Variants in RAB38 observed in about 807,000 individuals in gnomAD.
RAB38 encodes the protein ras-related protein Rab-38.
RAB38 carries 15 observed loss-of-function variants against 18.4 expected under a neutral mutation model. The ratio of observed to expected loss-of-function variants is 0.82; its 90% CI spans 0.55 to 1.26. The LOEUF (loss-of-function observed/expected upper bound fraction) is 1.26, where lower values mean the gene tolerates loss of function less well. RAB38 is among the 50% of genes most tolerant of loss of function. The pLI, the probability that RAB38 is intolerant of heterozygous loss-of-function variation, is 0.00. For missense variants in RAB38, 294 were observed against 267.4 expected, an observed-to-expected ratio of 1.10 and a Z score of -0.69; for synonymous variants, 101 against 104.4, an observed-to-expected ratio of 0.97 and a Z score of 0.20.
the RAB38 span, among the ~76,000 whole-genome samples, chr11:87,873,922 G>GTGTATATATATATATATA: frequency 1.8e-4 from 19 of 103,098 alleles, no homozygotes; most frequent in South Asian, 6.7e-4. Flanking sequence ...GTGTGTGTGT[G>GTGTATATATATATATATA]TATATATATA....
the RAB38 span, among the ~76,000 whole-genome samples, chr11:87,882,510 G>T: frequency 1.3e-5 from 2 of 151,862 alleles, no homozygotes; most frequent in African/African-American, 4.8e-5. Flanking sequence ...AGTAGGTAAT[G>T]TAATATTCAA....
At chr11:88,174,143 C>T in intron 1 of RAB38, 1 of 942,312 alleles carries the variant, frequency 1.1e-6, no homozygotes, top group Non-Finnish European at 1.3e-6. Flanking sequence ...GACCCTTGCC[C>T]AACTCCTTTC....
At chr11:88,048,521 C>T in the RAB38 span, among the ~76,000 whole-genome samples, 2 of 152,138 alleles carry the variant, frequency 1.3e-5, no homozygotes, top group Non-Finnish European at 2.9e-5. Context: ...ACTTTTACCT[C>T]TTTCCCTTCT....
the RAB38 span, among the ~76,000 whole-genome samples, chr11:87,947,145 T>A: frequency 6.6e-6 from 1 of 152,210 alleles, no homozygotes; most frequent in Non-Finnish European, 1.5e-5. Flanking sequence ...TGACCAGTGA[T>A]GATGAGTATT....
the RAB38 span, among the ~76,000 whole-genome samples, chr11:88,038,420 C>T: frequency 1.3e-5 from 2 of 152,264 alleles, no homozygotes; most frequent in South Asian, 2.1e-4. Flanking sequence ...ATAATGTTTG[C>T]TTATCATCAT....
chr11:88,029,570 G>A, the RAB38 span, among the ~76,000 whole-genome samples: 2 of 152,058 alleles, frequency 1.3e-5, no homozygotes, highest in South Asian at 2.1e-4. Context: ...AAAAGGCAGG[G>A]TTTGCAGTCC....
chr11:87,931,192 A>T, the RAB38 span, among the ~76,000 whole-genome samples: 1 of 152,136 alleles, frequency 6.6e-6, no homozygotes, highest in African/African-American at 2.4e-5. Context: ...CTTCCTACCC[A>T]TGAGCATGGA....
At chr11:88,077,033 A>AAAAGAAAAGAAAAGAAAAGC in the RAB38 span, among the ~76,000 whole-genome samples, 3 of 109,394 alleles carry the variant, frequency 2.7e-5, no homozygotes, top group Non-Finnish European at 5.4e-5. Flanking sequence ...GAAAAGAAAG[A>AAAAGAAAAGAAAAGAAAAGC]AAGCAAGCAA....
the RAB38 span, among the ~76,000 whole-genome samples, chr11:87,897,114 A>G: frequency 1.3e-5 from 2 of 151,596 alleles, no homozygotes; most frequent in African/African-American, 4.8e-5. Context: ...TGAATAGAAT[A>G]AGAACATGTA....
At chr11:87,836,389 AT>A in the RAB38 span, among the ~76,000 whole-genome samples, 29 of 151,412 alleles carry the variant, frequency 1.9e-4, no homozygotes, top group African/African-American at 5.6e-4. Context: ...AAACCTGAGT[AT>A]TTTTTTTTAA....
chr11:88,059,182 C>T, the RAB38 span, among the ~76,000 whole-genome samples: 4 of 151,940 alleles, frequency 2.6e-5, no homozygotes, highest in Admixed American at 6.6e-5. Context: ...AAAATAAGAA[C>T]GTGTGAAAAG....
the RAB38 span, among the ~76,000 whole-genome samples, chr11:87,911,750 A>G: frequency 1.3e-5 from 2 of 151,976 alleles, no homozygotes; most frequent in Non-Finnish European, 2.9e-5. Context: ...TCATAATTAT[A>G]GTAGTTAGTG....
At chr11:87,888,621 T>C in the RAB38 span, among the ~76,000 whole-genome samples, 8 of 151,938 alleles carry the variant, frequency 5.3e-5, no homozygotes, top group South Asian at 2.1e-4. Flanking sequence ...GCTGCTCTTC[T>C]GGTAAACGTT....
the RAB38 span, among the ~76,000 whole-genome samples, chr11:88,056,664 C>T: frequency 2.0e-5 from 3 of 151,830 alleles, no homozygotes; most frequent in East Asian, 3.9e-4. Flanking sequence ...ATTAGACGAG[C>T]GAGGTGGTGG....
the RAB38 span, among the ~76,000 whole-genome samples, chr11:87,917,060 G>C: frequency 6.6e-6 from 1 of 152,136 alleles, no homozygotes; most frequent in Non-Finnish European, 1.5e-5. Flanking sequence ...GCAGGGGAGA[G>C]AGAGAGCAAG....
the RAB38 span, among the ~76,000 whole-genome samples, chr11:87,842,458 A>G: frequency 6.6e-6 from 1 of 152,224 alleles, no homozygotes; most frequent in Non-Finnish European, 1.5e-5. Context: ...CAAAAGCCTG[A>G]AGGTGCCTCT....
chr11:87,931,765 G>C, the RAB38 span, among the ~76,000 whole-genome samples: 1 of 152,030 alleles, frequency 6.6e-6, no homozygotes, highest in Non-Finnish European at 1.5e-5. Flanking sequence ...TTCCTTAGCT[G>C]GTACACCAAA....
the RAB38 span, among the ~76,000 whole-genome samples, chr11:87,949,056 T>A: frequency 1.3e-5 from 2 of 152,320 alleles, no homozygotes; most frequent in South Asian, 4.1e-4. Context: ...GATTATTACC[T>A]CACTTTCAGA....
the RAB38 span, among the ~76,000 whole-genome samples, chr11:87,900,341 G>A: frequency 6.6e-6 from 1 of 151,532 alleles, no homozygotes; most frequent in African/African-American, 2.4e-5. Flanking sequence ...CAGAGATGAG[G>A]TGAAACTCCA....
Sources: allele counts gnomAD v4.1 joint callset (sites outside exome capture counted in the v4.1 genomes callset), GRCh38; gene constraint gnomAD v4.1.1; transcripts MANE v1.5; gene names NCBI Gene and HGNC (gene_info 2026-07-23, HGNC 2026-07-21).